The following DOCK1 variants were observed in gnomAD, a reference collection of about 807,000 sequenced individuals.
The protein encoded by DOCK1 is dedicator of cytokinesis 1, also known as dedicator of cytokinesis protein 1.
Under a neutral mutation model 262.7 loss-of-function variants are expected in DOCK1, and 138 were observed. The observed-to-expected ratio is 0.53, with a 90% confidence interval of 0.46 to 0.61. The LOEUF is 0.61. Ranked by LOEUF, DOCK1 falls within the 20% of genes least tolerant of loss-of-function variation. DOCK1 has a pLI of 0.00. For synonymous variants in DOCK1, 866 were observed against 867.4 expected, an observed-to-expected ratio of 1.00 and a Z score of 0.03; for missense variants, 1,908 against 2,370.7, an observed-to-expected ratio of 0.80 and a Z score of 4.05.
chr10:126,905,544 C>A lies in DOCK1; in HGVS notation c.27C>A (p.Arg9=). ...TGACGCGCTGGGTGCCCACCAAGCG[C>A]GAGGAGAAGTACGGCGTGGGTGAGC... is the stretch of plus-strand genomic sequence containing the variant. MTRWVPTK[R]EEKYGVAFYN... The change falls in exon 1 of 52, where the codon CGC becomes CGA. Residue 9 remains arginine, a synonymous_variant. Coordinates refer to ENST00000623213, the MANE Select transcript of DOCK1 (RefSeq NM_001290223.2). 1 of 501,116 alleles carries A rather than the reference C, an allele frequency of 2.0e-6. No homozygotes were observed. Among genetic ancestry groups the A allele is most frequent in the South Asian group, 2.6e-5 (1 of 38,436 alleles). The allele number at this position is 501,116 out of a possible 1,614,324, so 31.0% of individuals were successfully genotyped here.
chr10:127,040,592 A>G (rs1375828437), intron 19 of DOCK1, among the ~76,000 whole-genome samples: 2 of 151,998 alleles, frequency 1.3e-5, no homozygotes, highest in Non-Finnish European at 2.9e-5. Context: ...TGCTTCTTTA[A>G]TCTTGGGGCT....
chr10:127,368,006 A>G (rs1181639097), intron 33 of DOCK1, among the ~76,000 whole-genome samples: 2 of 151,714 alleles, frequency 1.3e-5, no homozygotes, highest in Non-Finnish European at 1.5e-5. Context: ...ATCACTGGGC[A>G]CTCTTGTGCC....
chr10:127,404,285 A>C (rs2067386229), intron 39 of DOCK1, 40 bp from the exon 40 acceptor site: 1 of 1,561,050 alleles, frequency 6.4e-7, no homozygotes, highest in Non-Finnish European at 8.7e-7. Context: ...CACATGCTTG[A>C]ATACTCAAAC....
At position 126,912,448 on chromosome 10, in the gene DOCK1, C is replaced by T. The variant is rs188774845; in HGVS notation, c.46+6885C>T. Among the ~76,000 whole-genome samples, 907 of 150,398 alleles carry T rather than the reference C, an allele frequency of 6.0e-3. 6 individuals are homozygous for T. The highest frequency in any genetic ancestry group is 0.021 in the African/African-American group (854 of 40,848). On this transcript the variant is annotated intron_variant, in intron 1 of 51. Coordinates refer to ENST00000623213, the MANE Select transcript of DOCK1 (RefSeq NM_001290223.2). ...TCCATCTCAAAAAAAAAAAAGAGAC[C>T]GGGCGCGGTGGCTCACGCCTGTAAT...
At position 127,404,331 on chromosome 10, in the gene DOCK1, C is replaced by G. The variant is rs754014975; in HGVS notation, c.4024C>G (p.Gln1342Glu). ...YEQLSELLKK[Q>E]AQFYENIVKV... ...TTTTCTTTTTTCCTTCCAGAAAAAA[C>G]AGGCTCAGTTTTATGAAAACATCGT... Residue 1342 changes from glutamine (Q) to glutamate (E), a missense_variant, in exon 40 of 52, where the codon CAG becomes GAG. Gln to Glu is a conservative substitution (Grantham distance 29). Coordinates refer to ENST00000623213, the MANE Select transcript of DOCK1 (RefSeq NM_001290223.2). 1 of 1,613,048 alleles carries G rather than the reference C, an allele frequency of 6.2e-7. No homozygotes were observed. The highest frequency in any genetic ancestry group is 8.5e-7 in the Non-Finnish European group (1 of 1,179,540).
chr10:127,002,244 G>A (rs565423162), intron 10 of DOCK1, among the ~76,000 whole-genome samples: 76 of 152,116 alleles, frequency 5.0e-4, no homozygotes, highest in African/African-American at 1.7e-3. Context: ...GACAACACAC[G>A]GAAGTCGCTC....
At chr10:127,059,405 C>G (rs1382663772) in intron 22 of DOCK1, among the ~76,000 whole-genome samples, 1 of 152,068 alleles carries the variant, frequency 6.6e-6, no homozygotes, top group Admixed American at 6.5e-5. Flanking sequence ...TCATTATCTT[C>G]CTCCTTTTCT....
At chr10:127,186,438 C>T (rs1341586694) in intron 27 of DOCK1, among the ~76,000 whole-genome samples, 1 of 145,738 alleles carries the variant, frequency 6.9e-6, no homozygotes, top group Admixed American at 7.2e-5. Flanking sequence ...CTCCTTAACA[C>T]ATCCGATAGA....
At chr10:127,414,158 C>T (rs1565073364) in intron 43 of DOCK1, among the ~76,000 whole-genome samples, 1 of 152,146 alleles carries the variant, frequency 6.6e-6, no homozygotes, top group South Asian at 2.1e-4. Context: ...GCAATCTGCC[C>T]GCCCTGGCCT....
At chr10:127,255,849 C>G (rs1470078109) in intron 28 of DOCK1, among the ~76,000 whole-genome samples, 1 of 152,168 alleles carries the variant, frequency 6.6e-6, no homozygotes. Context: ...CGGTACTCAG[C>G]CTACAAAATA....
At chr10:127,318,286 C>T (rs2062370628) in intron 29 of DOCK1, among the ~76,000 whole-genome samples, 1 of 152,134 alleles carries the variant, frequency 6.6e-6, no homozygotes, top group Non-Finnish European at 1.5e-5. Context: ...TTTCTGGGAG[C>T]TGAGAAGTTG....
chr10:127,218,010 A>G (rs546637753), intron 27 of DOCK1, among the ~76,000 whole-genome samples: 34 of 151,780 alleles, frequency 2.2e-4, no homozygotes, highest in Non-Finnish European at 3.1e-4. Flanking sequence ...TGGTTGTAGG[A>G]GTGCAGCTTT....
intron 2 of DOCK1, among the ~76,000 whole-genome samples, chr10:126,972,896 G>T (rs1183144503): frequency 6.6e-6 from 1 of 151,534 alleles, no homozygotes; most frequent in East Asian, 2.0e-4. Context: ...GAGTAGTTGT[G>T]ATGGGGTCTT....
intron 31 of DOCK1, among the ~76,000 whole-genome samples, chr10:127,353,090 C>T (rs1217963513): frequency 6.6e-6 from 1 of 152,170 alleles, no homozygotes; most frequent in African/African-American, 2.4e-5. Flanking sequence ...ATGCCACTTT[C>T]CTGGGCTTGT....
chr10:127,107,556 C>T (rs60860007), intron 24 of DOCK1, among the ~76,000 whole-genome samples: 24,125 of 152,134 alleles, frequency 0.16, 2,285 homozygotes, highest in African/African-American at 0.26. Context: ...TGTCTGCCCA[C>T]CTGGCGCGCT....
At chr10:126,907,921 CTG>C (rs1022006185) in intron 1 of DOCK1, among the ~76,000 whole-genome samples, 1 of 151,944 alleles carries the variant, frequency 6.6e-6, no homozygotes, top group Non-Finnish European at 1.5e-5. Context: ...AAATAGAAAA[CTG>C]TTGGAAAATT....
At chr10:127,096,930 C>T (rs1354205152) in intron 23 of DOCK1, among the ~76,000 whole-genome samples, 1 of 151,898 alleles carries the variant, frequency 6.6e-6, no homozygotes, top group South Asian at 2.1e-4. Context: ...CATGGTGAAA[C>T]CCCGTCTCTA....
intron 47 of DOCK1, among the ~76,000 whole-genome samples, chr10:127,428,643 AGTGCCGTGTGGATTGGG>A (rs1419040732): frequency 1.5e-4 from 10 of 64,682 alleles, no homozygotes; most frequent in African/African-American, 3.0e-4. Context: ...TGTGGATTGG[AGTGCCGTGTGGATTGGG>A]GTGCCGTGTG....
intron 29 of DOCK1, among the ~76,000 whole-genome samples, chr10:127,262,664 C>T (rs1479875068): frequency 4.6e-5 from 7 of 152,192 alleles, no homozygotes; most frequent in Admixed American, 6.5e-5. Flanking sequence ...TCTTTGACAC[C>T]TTTGCTTCAA....
Sources: allele counts gnomAD v4.1 joint callset (sites outside exome capture counted in the v4.1 genomes callset), GRCh38; gene constraint gnomAD v4.1.1; transcripts MANE v1.5; gene names NCBI Gene and HGNC (gene_info 2026-07-23, HGNC 2026-07-21).